The following NRG1 variants were observed in gnomAD, a reference collection of about 807,000 sequenced individuals.
NRG1 encodes neuregulin 1.
In NRG1, 18 loss-of-function variants were observed where a neutral mutation model predicts 63.8. The ratio of observed to expected loss-of-function variants is 0.28; its 90% CI spans 0.19 to 0.42. The LOEUF is 0.42. NRG1 is among the 10% of genes least tolerant of loss of function. The pLI, the probability that NRG1 is intolerant of heterozygous loss-of-function variation, is 1.00. For synonymous variants in NRG1, 302 were observed against 301.3 expected, an observed-to-expected ratio of 1.00 and a Z score of -0.02; for missense variants, 762 against 814.7, an observed-to-expected ratio of 0.94 and a Z score of 0.79.
chr8:31,864,154 T>G (rs1333815400), intron 1 of NRG1, among the ~76,000 whole-genome samples: 1 of 152,214 alleles, frequency 6.6e-6, no homozygotes, highest in Non-Finnish European at 1.5e-5. Context: ...CATAGTGTAT[T>G]CATTCATTTT....
At chr8:32,155,517 T>TA (rs1470853617) in intron 1 of NRG1, among the ~76,000 whole-genome samples, 1 of 152,180 alleles carries the variant, frequency 6.6e-6, no homozygotes, top group East Asian at 1.9e-4. Context: ...GAAATCACAT[T>TA]AAATCCTTTC....
At chr8:32,270,169 G>C (rs1851397436) in intron 1 of NRG1, among the ~76,000 whole-genome samples, 2 of 152,242 alleles carry the variant, frequency 1.3e-5, no homozygotes, top group Admixed American at 1.3e-4. Context: ...ATCTAAATAG[G>C]AATGCCCAGT....
At chr8:32,461,972 C>A (rs60958800) in intron 1 of NRG1, among the ~76,000 whole-genome samples, 6 of 152,092 alleles carry the variant, frequency 3.9e-5, no homozygotes, top group Non-Finnish European at 8.8e-5. Flanking sequence ...TCCCAAAAAT[C>A]TAGTAGAGGA....
chr8:32,139,931 G>GTATT (rs901191254), intron 1 of NRG1, among the ~76,000 whole-genome samples: 6 of 152,122 alleles, frequency 3.9e-5, no homozygotes, highest in African/African-American at 1.4e-4. Context: ...ACTGCTTAAG[G>GTATT]TATTTATCTG....
chr8:32,245,391 T>G (rs1422969982), intron 1 of NRG1, among the ~76,000 whole-genome samples: 1 of 152,112 alleles, frequency 6.6e-6, no homozygotes, highest in Non-Finnish European at 1.5e-5. Flanking sequence ...AATTAACAAT[T>G]TGGGCAAGAT....
At chr8:31,765,148 T>G (rs981915917) in intron 1 of NRG1, among the ~76,000 whole-genome samples, 2 of 152,162 alleles carry the variant, frequency 1.3e-5, no homozygotes, top group Non-Finnish European at 2.9e-5. Context: ...TGCTAGTATA[T>G]AGAAACACAA....
chr8:31,911,892 C>G (rs1434627450), intron 1 of NRG1, among the ~76,000 whole-genome samples: 2 of 152,084 alleles, frequency 1.3e-5, no homozygotes, highest in Non-Finnish European at 1.5e-5. Context: ...CTGTGACATC[C>G]AATTTTTCTA....
chr8:32,490,818 T>C (rs914727349), intron 1 of NRG1, among the ~76,000 whole-genome samples: 6 of 152,222 alleles, frequency 3.9e-5, no homozygotes, highest in African/African-American at 1.4e-4. Flanking sequence ...AAAGAAAGAG[T>C]GCTTGCCACC....
intron 1 of NRG1, among the ~76,000 whole-genome samples, chr8:31,773,701 C>G (rs966081061): frequency 6.6e-6 from 1 of 152,168 alleles, no homozygotes; most frequent in African/African-American, 2.4e-5. Context: ...TATCTTCTAC[C>G]TGTAGGTCTT....
chr8:32,177,538 C>T (rs1840923832), intron 1 of NRG1, among the ~76,000 whole-genome samples: 1 of 151,940 alleles, frequency 6.6e-6, no homozygotes, highest in Non-Finnish European at 1.5e-5. Context: ...TGCTCTGCCT[C>T]CCTTTTCCCC....
intron 1 of NRG1, among the ~76,000 whole-genome samples, chr8:32,309,300 C>T (rs984633): frequency 6.6e-6 from 1 of 152,180 alleles, no homozygotes; most frequent in South Asian, 2.1e-4. Context: ...CGCTTATGTG[C>T]CTGTGGTTTT....
At chr8:31,648,587 A>T (rs1804536150) in intron 1 of NRG1, among the ~76,000 whole-genome samples, 1 of 152,200 alleles carries the variant, frequency 6.6e-6, no homozygotes, top group Admixed American at 6.5e-5. Context: ...CCAGCCACTG[A>T]CAAACACTAT....
intron 1 of NRG1, among the ~76,000 whole-genome samples, chr8:31,867,827 TAAATTAGG>T (rs1829097667): frequency 6.6e-6 from 1 of 152,150 alleles, no homozygotes; most frequent in African/African-American, 2.4e-5. Flanking sequence ...AGACCTTAGA[TAAATTAGG>T]GAATTAGGGA....
chr8:32,182,621 C>G (rs968561056), intron 1 of NRG1, among the ~76,000 whole-genome samples: 1 of 152,174 alleles, frequency 6.6e-6, no homozygotes. Context: ...TTCTCGCACT[C>G]TCACTGTCTC....
chr8:31,730,292 A>C (rs1813890920), intron 1 of NRG1, among the ~76,000 whole-genome samples: 1 of 152,118 alleles, frequency 6.6e-6, no homozygotes, highest in Non-Finnish European at 1.5e-5. Context: ...GGAGTGCATC[A>C]CTGCTATGTT....
intron 1 of NRG1, among the ~76,000 whole-genome samples, chr8:32,371,795 CT>C (rs1206590421): frequency 6.6e-6 from 1 of 152,122 alleles, no homozygotes; most frequent in African/African-American, 2.4e-5. Flanking sequence ...ACATTAGGAC[CT>C]GGTCTGAGTT....
At chr8:31,685,912 G>A (rs1220028467) in intron 1 of NRG1, among the ~76,000 whole-genome samples, 1 of 151,978 alleles carries the variant, frequency 6.6e-6, no homozygotes, top group Non-Finnish European at 1.5e-5. Context: ...ATGAACATTT[G>A]GGTTGCTTTT....
intron 1 of NRG1, among the ~76,000 whole-genome samples, chr8:32,391,305 TA>T (rs900074874): frequency 1.7e-4 from 26 of 152,022 alleles, no homozygotes; most frequent in African/African-American, 6.3e-4. Flanking sequence ...TAGGGTTTTT[TA>T]AATTTTTCAT....
At chr8:31,910,934 A>T (rs955363737) in intron 1 of NRG1, among the ~76,000 whole-genome samples, 1 of 152,142 alleles carries the variant, frequency 6.6e-6, no homozygotes, top group Non-Finnish European at 1.5e-5. Context: ...TTACAACAGG[A>T]CCAGCCTCAT....
Sources: gnomAD v4.1 joint callset for allele counts (sites outside exome capture counted in the v4.1 genomes callset) on GRCh38, gnomAD v4.1.1 for gene constraint, MANE v1.5 for transcripts, NCBI Gene and HGNC (gene_info 2026-07-23, HGNC 2026-07-21) for gene names.